SMG6: variants seen among roughly 807,000 people sequenced by gnomAD.
SMG6 encodes telomerase-binding protein EST1A.
SMG6 carries 66 observed loss-of-function variants against 142.2 expected under a neutral mutation model. The observed-to-expected ratio is 0.46, with a 90% CI of 0.38 to 0.57. The LOEUF (loss-of-function observed/expected upper bound fraction) is 0.57, where lower values mean the gene tolerates loss of function less well. Ranked by LOEUF, SMG6 falls within the 20% of genes least tolerant of loss-of-function variation. The probability of loss-of-function intolerance (pLI) is 0.00; values close to 1 mark genes in which losing one functional copy is unlikely to be tolerated. For missense variants in SMG6, 1,793 were observed against 1,832.0 expected (o/e 0.98, Z 0.39); for synonymous variants, 779 against 702.4 (o/e 1.11, Z -1.72).
In SMG6 at chr17:2,068,767, G is replaced by A. The variant is rs762170907; in HGVS notation, c.3835+11C>T. On this transcript the variant is annotated intron_variant, in intron 16 of 18. Coordinates refer to ENST00000263073, the MANE Select transcript of SMG6 (RefSeq NM_017575.5). The surrounding 1 kb of genome is among the most constrained non-coding windows in gnomAD (Gnocchi z 6.7). ...CATGCAAGGCCGCTCTGCCCTTCCCGCCTGACTCACCGATGAGGGGCACCA... is the reference window on the plus strand; with the variant it reads ...CATGCAAGGCCGCTCTGCCCTTCCCACCTGACTCACCGATGAGGGGCACCA... The A allele has an allele frequency of 1.1e-5, 18 of 1,612,974 alleles. No homozygotes were observed. Among genetic ancestry groups the A allele is most frequent in the Admixed American group, 1.7e-5 (1 of 59,930 alleles).
rs2071159228 is a variant in SMG6, at chr17:2,160,991, CTCT to C, written c.3357+11664_3357+11666del. Among the ~76,000 whole-genome samples, 3 of 151,898 alleles carry C rather than the reference CTCT, an allele frequency of 2.0e-5. No individual in the cohort carries two copies. In the South Asian group the frequency reaches 6.2e-4, roughly 31 times the overall value. ...GTTTCTTTTTCTATCATACATTCTCCTCTTAACCAATTTTAATTTTATATTTAT... is the reference window on the plus strand; with the variant it reads ...GTTTCTTTTTCTATCATACATTCTCCTAACCAATTTTAATTTTATATTTAT... On this transcript the variant is annotated intron_variant, in intron 13 of 18. Transcript: ENST00000263073.
At chr17:2,095,899 G>A (rs918597405) in intron 13 of SMG6, among the ~76,000 whole-genome samples, 1 of 116,818 alleles carries the variant, frequency 8.6e-6, no homozygotes, top group African/African-American at 3.4e-5. Flanking sequence ...TCCCTAATCC[G>A]GAACTTCAAG....
chr17:2,201,103 C>T (rs1454115462), intron 10 of SMG6, among the ~76,000 whole-genome samples: 1 of 152,152 alleles, frequency 6.6e-6, no homozygotes, highest in Admixed American at 6.5e-5. Context: ...AGAAAATTAT[C>T]TCACTGGGAG....
At chr17:2,234,706 A>AATC (rs1555561953) in intron 10 of SMG6, among the ~76,000 whole-genome samples, 3 of 150,798 alleles carry the variant, frequency 2.0e-5, no homozygotes, top group Non-Finnish European at 4.4e-5. Context: ...TTTAATTCTT[A>AATC]ATTATTATTA....
rs59503723 is a variant in SMG6 at position 2,286,923 on chromosome 17, ATTTT to A, written c.2338-3192_2338-3189del. On this transcript the variant is annotated intron_variant, in intron 6 of 18. Transcript: ENST00000263073. ...TCTTGACAACACAAAACATAAAATA[ATTTT>A]TTTTTTTTTTTTTTTTTTTTTTGAG... Among the ~76,000 whole-genome samples, 30 of 111,438 alleles carry A rather than the reference ATTTT, an allele frequency of 2.7e-4. 1 individual carries two copies. Among genetic ancestry groups the A allele is most frequent in the African/African-American group, 8.2e-4 (23 of 28,062 alleles). The allele number at this position is 111,438 out of a possible 152,430, so 73.1% of individuals were successfully genotyped here.
intron 10 of SMG6, among the ~76,000 whole-genome samples, chr17:2,199,291 T>C (rs2072437238): frequency 1.3e-5 from 2 of 152,200 alleles, no homozygotes; most frequent in Admixed American, 6.5e-5. Context: ...GGAAACTACT[T>C]AGGCATTTTT....
intron 15 of SMG6, among the ~76,000 whole-genome samples, chr17:2,069,248 G>T (rs982770871): frequency 6.6e-6 from 1 of 152,158 alleles, no homozygotes; most frequent in African/African-American, 2.4e-5. Flanking sequence ...GGAGAATTAG[G>T]TTCCTTAGAT....
At chr17:2,287,228 AT>A (rs988229537) in intron 6 of SMG6, among the ~76,000 whole-genome samples, 3 of 152,182 alleles carry the variant, frequency 2.0e-5, no homozygotes, top group Non-Finnish European at 4.4e-5. Flanking sequence ...TAAAATAACA[AT>A]TTTTAAATGG....
intron 13 of SMG6, among the ~76,000 whole-genome samples, chr17:2,161,159 G>A (rs1227511219): frequency 2.0e-5 from 3 of 149,738 alleles, no homozygotes; most frequent in Non-Finnish European, 4.4e-5. Context: ...CCAGGCTGGA[G>A]TGCAGGGGCG....
intron 13 of SMG6, among the ~76,000 whole-genome samples, chr17:2,101,951 T>C (rs1354570187): frequency 7.1e-6 from 1 of 141,030 alleles, no homozygotes; most frequent in Non-Finnish European, 1.5e-5. Context: ...TTCTCTTGCC[T>C]GGAAATTCAC....
At chr17:2,090,534 TC>T (rs1465165067) in intron 13 of SMG6, among the ~76,000 whole-genome samples, 1 of 152,210 alleles carries the variant, frequency 6.6e-6, no homozygotes, top group Non-Finnish European at 1.5e-5. Flanking sequence ...AGGGACTCGC[TC>T]TATCGTTACC....
chr17:2,222,203 T>C (rs2151769846), intron 10 of SMG6, among the ~76,000 whole-genome samples: 1 of 152,082 alleles, frequency 6.6e-6, no homozygotes, highest in East Asian at 1.9e-4. Context: ...AAATAAATAA[T>C]AAACATATAC....
chr17:2,170,241 A>C (rs1283908369), intron 13 of SMG6, among the ~76,000 whole-genome samples: 1 of 152,176 alleles, frequency 6.6e-6, no homozygotes, highest in African/African-American at 2.4e-5. Context: ...GTGGATCACT[A>C]CATAGGCTGA....
intron 16 of SMG6, among the ~76,000 whole-genome samples, chr17:2,066,284 ATG>A (rs201180096): frequency 7.8e-4 from 117 of 149,382 alleles, no homozygotes; most frequent in African/African-American, 1.9e-3. Flanking sequence ...GTGTGCGTGT[ATG>A]TGTCTGTGTG....
At chr17:2,263,881 G>A (rs1305132323) in intron 8 of SMG6, among the ~76,000 whole-genome samples, 1 of 152,086 alleles carries the variant, frequency 6.6e-6, no homozygotes, top group Non-Finnish European at 1.5e-5. Flanking sequence ...GTAGAGAGAT[G>A]AAATTCTGGC....
chr17:2,116,041 A>C (rs946799926), intron 13 of SMG6, among the ~76,000 whole-genome samples: 2 of 150,882 alleles, frequency 1.3e-5, no homozygotes, highest in African/African-American at 5.0e-5. Flanking sequence ...AGCACTCACT[A>C]ACTTTTAATA....
rs960683903 is a variant in SMG6 at position 2,136,094 on chromosome 17, G to A, written c.3357+36564C>T. Among the ~76,000 whole-genome samples the A allele has an allele frequency of 5.1e-5, 7 of 137,360 alleles. No individual in the cohort carries two copies. The South Asian group carries it at 7.6e-4, about 15-fold the overall frequency. 90.1% of individuals were successfully genotyped at this position (137,360 alleles called of 152,430 possible). On this transcript the variant is annotated intron_variant, in intron 13 of 18. Transcript: ENST00000263073. Reference sequence around the variant, plus strand: ...TACATATTTTTTGAGACAGAGTCTCGCTCTGTCGCCCAGGCTGGAGTGCAG... The same window carrying A: ...TACATATTTTTTGAGACAGAGTCTCACTCTGTCGCCCAGGCTGGAGTGCAG...
At chr17:2,249,048 C>A (rs568006208) in intron 8 of SMG6, among the ~76,000 whole-genome samples, 14 of 150,992 alleles carry the variant, frequency 9.3e-5, no homozygotes, top group African/African-American at 2.9e-4. Flanking sequence ...CACCACGCCC[C>A]GTTAATTTTT....
intron 16 of SMG6, among the ~76,000 whole-genome samples, chr17:2,067,232 C>T (rs2067977926): frequency 6.6e-6 from 1 of 152,224 alleles, no homozygotes; most frequent in Non-Finnish European, 1.5e-5. Flanking sequence ...GATTTCCTTA[C>T]TAAACCCTAA....
Sources: allele counts gnomAD v4.1 joint callset (sites outside exome capture counted in the v4.1 genomes callset), GRCh38; gene constraint gnomAD v4.1.1; non-coding constraint Gnocchi (gnomAD v3.1); transcripts MANE v1.5; gene names NCBI Gene and HGNC (gene_info 2026-07-23, HGNC 2026-07-21).